Variants in PPP2R3A observed in about 807,000 individuals in gnomAD.
PPP2R3A encodes the protein protein phosphatase 2 regulatory subunit B''alpha.
A neutral mutation model predicts 106.9 loss-of-function variants in PPP2R3A; 80 were observed. The observed-to-expected ratio is 0.75, with a 90% CI of 0.62 to 0.90. PPP2R3A has a LOEUF of 0.90. PPP2R3A is among the 40% of genes least tolerant of loss of function. The pLI, the probability that PPP2R3A is intolerant of heterozygous loss-of-function variation, is 0.00. For synonymous variants in PPP2R3A, 483 were observed against 468.3 expected (o/e 1.03, Z -0.41); for missense variants, 1,386 against 1,350.4 (o/e 1.03, Z -0.41).
chr3:136,054,147 T>C (rs1408262686), intron 5 of PPP2R3A, among the ~76,000 whole-genome samples: 2 of 152,166 alleles, frequency 1.3e-5, no homozygotes, highest in African/African-American at 2.4e-5. Context: ...CTAAGCACTT[T>C]TATTTTAAAA....
chr3:136,144,167 C>T (rs1418233225), intron 13 of PPP2R3A, among the ~76,000 whole-genome samples: 1 of 152,112 alleles, frequency 6.6e-6, no homozygotes, highest in Non-Finnish European at 1.5e-5. Context: ...CAGGGGATAC[C>T]AGCAACACCT....
chr3:136,137,534 ATTTTTTTTTTT>A (rs59086929), intron 13 of PPP2R3A, among the ~76,000 whole-genome samples: 1 of 40,528 alleles, frequency 2.5e-5, no homozygotes, highest in Admixed American at 4.2e-4. Context: ...TCTGTCAGAG[ATTTTTTTTTTT>A]TTTTTTTTTT....
intron 2 of PPP2R3A, among the ~76,000 whole-genome samples, chr3:136,015,106 T>C (rs1426204838): frequency 1.3e-5 from 2 of 152,216 alleles, no homozygotes; most frequent in Non-Finnish European, 2.9e-5. Context: ...TTTTTTATTC[T>C]TTTTCTGTGG....
intron 13 of PPP2R3A, among the ~76,000 whole-genome samples, chr3:136,128,471 A>G (rs1938272479): frequency 6.6e-6 from 1 of 151,776 alleles, no homozygotes; most frequent in African/African-American, 2.4e-5. Context: ...AGAGCTAACT[A>G]TCCTAAATAT....
intron 1 of PPP2R3A, among the ~76,000 whole-genome samples, chr3:135,999,370 G>A (rs1255032775): frequency 4.6e-5 from 7 of 152,090 alleles, no homozygotes; most frequent in Non-Finnish European, 8.8e-5. Flanking sequence ...TCTCTTAGAC[G>A]CAGGACTGCA....
At chr3:136,021,450 A>C (rs893651345) in intron 2 of PPP2R3A, among the ~76,000 whole-genome samples, 1 of 152,266 alleles carries the variant, frequency 6.6e-6, no homozygotes. Context: ...AGCTTTAGAC[A>C]TATAAGCCTA....
intron 5 of PPP2R3A, among the ~76,000 whole-genome samples, chr3:136,060,501 G>A (rs1220403019): frequency 6.6e-6 from 1 of 152,160 alleles, no homozygotes; most frequent in Non-Finnish European, 1.5e-5. Context: ...GTCTCATACA[G>A]TTCTCATGAG....
In PPP2R3A at chr3:136,001,120, A is replaced by G. The variant is rs1360490199; in HGVS notation, c.-379A>G. ...ACCTTTGGAGGACTCAGTTATCACA[A>G]TACTTCTCTACTACCAACTAAGATT... On this transcript the variant is annotated 5_prime_UTR_variant, in exon 2 of 14. Transcript: ENST00000264977. 5 of 401,066 alleles carry G rather than the reference A, an allele frequency of 1.2e-5. No individual in the cohort carries two copies. The highest frequency in any genetic ancestry group is 3.6e-5 in the East Asian group (1 of 28,066). The allele number at this position is 401,066 out of a possible 1,614,324, so 24.8% of individuals were successfully genotyped here. A position where few individuals can be genotyped will look rare whatever the true frequency, so the allele number is the denominator to read the frequency against.
intron 10 of PPP2R3A, among the ~76,000 whole-genome samples, chr3:136,098,391 G>GA (rs1386029994): frequency 6.6e-6 from 1 of 152,180 alleles, no homozygotes; most frequent in African/African-American, 2.4e-5. Flanking sequence ...ATCTTTCTCA[G>GA]AAAAGGTACA....
chr3:136,065,228 G>T (rs1936225950), intron 5 of PPP2R3A, among the ~76,000 whole-genome samples: 2 of 152,072 alleles, frequency 1.3e-5, no homozygotes, highest in South Asian at 4.1e-4. Flanking sequence ...TCCTAGCAAA[G>T]AATCAATATT....
chr3:136,044,130 C>T (rs1055236115), intron 4 of PPP2R3A, among the ~76,000 whole-genome samples: 1 of 152,104 alleles, frequency 6.6e-6, no homozygotes, highest in Non-Finnish European at 1.5e-5. Flanking sequence ...AGAGGTGGCT[C>T]CTATTAGCAT....
intron 13 of PPP2R3A, among the ~76,000 whole-genome samples, chr3:136,107,336 C>G (rs1229362556): frequency 6.6e-6 from 1 of 152,070 alleles, no homozygotes; most frequent in African/African-American, 2.4e-5. Flanking sequence ...CACTTCTCCT[C>G]CCCAGAAGCA....
At chr3:136,053,259 C>T (rs1935742581) in intron 5 of PPP2R3A, among the ~76,000 whole-genome samples, 2 of 152,020 alleles carry the variant, frequency 1.3e-5, no homozygotes, top group South Asian at 4.1e-4. Context: ...ATGTAACAAA[C>T]CTTCACATTT....
At chr3:136,064,343 A>T (rs1382458536) in intron 5 of PPP2R3A, among the ~76,000 whole-genome samples, 2 of 151,750 alleles carry the variant, frequency 1.3e-5, no homozygotes, top group African/African-American at 4.8e-5. Context: ...GGTGCAGCAC[A>T]CCAGCATGGC....
intron 9 of PPP2R3A, among the ~76,000 whole-genome samples, chr3:136,088,933 G>C (rs1415187895): frequency 3.3e-5 from 5 of 151,866 alleles, no homozygotes; most frequent in Non-Finnish European, 4.4e-5. Flanking sequence ...TTTTAAATGG[G>C]GTTGTTTTTT....
intron 7 of PPP2R3A, among the ~76,000 whole-genome samples, chr3:136,080,332 C>T (rs893036860): frequency 4.9e-4 from 74 of 152,222 alleles, no homozygotes; most frequent in Non-Finnish European, 3.1e-4. Flanking sequence ...AGTGAACATC[C>T]TTGTATGGGG....
chr3:136,027,615 T>C (rs1217560627), intron 3 of PPP2R3A, among the ~76,000 whole-genome samples: 2 of 152,202 alleles, frequency 1.3e-5, no homozygotes. Context: ...AGGACTACTC[T>C]GACTTGATTC....
intron 5 of PPP2R3A, 141 bp from the exon 6 acceptor site, chr3:136,070,337 T>A: frequency 1.7e-6 from 1 of 599,652 alleles, no homozygotes; most frequent in South Asian, 2.4e-5. Context: ...ACGAATTTAA[T>A]AAAGAATTAA....
chr3:136,086,785 T>A (rs1285446625), intron 8 of PPP2R3A, among the ~76,000 whole-genome samples: 4 of 152,174 alleles, frequency 2.6e-5, no homozygotes, highest in African/African-American at 9.7e-5. Flanking sequence ...CCAAACCAAT[T>A]TACCTTTATG....
Sources: allele counts gnomAD v4.1 joint callset (sites outside exome capture counted in the v4.1 genomes callset), GRCh38; gene constraint gnomAD v4.1.1; transcripts MANE v1.5; gene names NCBI Gene and HGNC (gene_info 2026-07-23, HGNC 2026-07-21).